Variants in FOLH1 observed in about 807,000 individuals in gnomAD.
FOLH1 encodes the protein glutamate carboxypeptidase 2.
Under a neutral mutation model 93.9 loss-of-function variants are expected in FOLH1, and 54 were observed. The ratio of observed to expected loss-of-function variants is 0.57; its 90% CI spans 0.46 to 0.72. FOLH1 has a LOEUF of 0.72. Ranked by LOEUF, FOLH1 falls within the 30% of genes least tolerant of loss-of-function variation. FOLH1 has a pLI of 0.00. For synonymous variants in FOLH1, 249 were observed against 303.6 expected, an observed-to-expected ratio of 0.82 and a Z score of 1.87; for missense variants, 571 against 892.5, an observed-to-expected ratio of 0.64 and a Z score of 4.59.
At chr11:49,201,432 A>C (rs1863245005) in intron 2 of FOLH1, among the ~76,000 whole-genome samples, 1 of 147,954 alleles carries the variant, frequency 6.8e-6, no homozygotes, top group Admixed American at 6.7e-5. Context: ...CATGTATTTT[A>C]ATTTTTTTTA....
intron 13 of FOLH1, among the ~76,000 whole-genome samples, chr11:49,162,622 C>T (rs1354232855): frequency 6.6e-6 from 1 of 152,080 alleles, no homozygotes; most frequent in Non-Finnish European, 1.5e-5. Flanking sequence ...AACCCGGTTC[C>T]GAAACCTTGC....
intron 10 of FOLH1, 30 bp downstream of exon 10, chr11:49,173,326 TG>T (rs1410422851): frequency 6.3e-7 from 1 of 1,594,910 alleles, no homozygotes; most frequent in South Asian, 1.1e-5. Flanking sequence ...TCAGATAGGC[TG>T]TTTTTTTTCT....
intron 18 of FOLH1, among the ~76,000 whole-genome samples, chr11:49,148,221 T>C (rs1190275888): frequency 2.0e-5 from 3 of 150,870 alleles, no homozygotes; most frequent in South Asian, 4.1e-4. Context: ...AATATATATT[T>C]ATTATATACA....
At chr11:49,167,214 T>A (rs1590503688) in intron 12 of FOLH1, among the ~76,000 whole-genome samples, 1 of 152,224 alleles carries the variant, frequency 6.6e-6, no homozygotes, top group Admixed American at 6.5e-5. Flanking sequence ...CAAAGTTAAC[T>A]TTTTTTGACA....
chr11:49,192,349 CA>C (rs1382992962), intron 4 of FOLH1, among the ~76,000 whole-genome samples: 1 of 151,974 alleles, frequency 6.6e-6, no homozygotes, highest in Non-Finnish European at 1.5e-5. Context: ...CTCTTTTCAA[CA>C]AAGGAAAACA....
intron 7 of FOLH1, among the ~76,000 whole-genome samples, chr11:49,179,434 CA>C (rs1205204717): frequency 6.6e-6 from 1 of 152,076 alleles, no homozygotes; most frequent in East Asian, 1.9e-4. Context: ...AGGAATTTAG[CA>C]ATCAATAACA....
chr11:49,208,496 G>T lies in FOLH1; in HGVS notation c.-87C>A. On this transcript the variant is annotated 5_prime_UTR_variant, in exon 1 of 19. Coordinates refer to ENST00000256999, the MANE Select transcript of FOLH1 (RefSeq NM_004476.3). ...CCTCCAACCACCACGGCGGGGTAAAGTCTCTCTCAATCTCACTAATGCCTC... is the reference window on the plus strand; with the variant it reads ...CCTCCAACCACCACGGCGGGGTAAATTCTCTCTCAATCTCACTAATGCCTC... The T allele has an allele frequency of 1.1e-6, 1 of 906,648 alleles. No homozygotes were observed. The highest frequency in any genetic ancestry group is 1.7e-6 in the Non-Finnish European group (1 of 593,692). 56.2% of individuals were successfully genotyped at this position (906,648 alleles called of 1,614,324 possible). A position where few individuals can be genotyped will look rare whatever the true frequency, so the allele number is the denominator to read the frequency against.
At chr11:49,193,018 G>T (rs1450615498) in intron 3 of FOLH1, 124 bp from the exon 4 acceptor site, 1 of 696,632 alleles carries the variant, frequency 1.4e-6, no homozygotes, top group Non-Finnish European at 2.2e-6. Flanking sequence ...TCAGGATTTT[G>T]ATGATAGTAT....
intron 5 of FOLH1, 91 bp downstream of exon 5, chr11:49,186,553 T>C (rs1404582430): frequency 2.1e-6 from 3 of 1,403,654 alleles, no homozygotes; most frequent in Non-Finnish European, 2.9e-6. Flanking sequence ...ATGGTATTCA[T>C]AAAGTTTTAA....
At chr11:49,200,158 A>C in intron 3 of FOLH1, 97 bp downstream of exon 3, 3 of 1,117,564 alleles carry the variant, frequency 2.7e-6, no homozygotes, top group South Asian at 3.9e-5. Context: ...GATTTCTATT[A>C]ATATTTAGAG....
chr11:49,160,257 AT>A (rs1038517615), intron 13 of FOLH1, among the ~76,000 whole-genome samples: 1 of 151,280 alleles, frequency 6.6e-6, no homozygotes, highest in South Asian at 2.1e-4. Context: ...TTTTTTATTA[AT>A]TTTTTTCAAA....
At chr11:49,191,696 T>C (rs1862063054) in intron 4 of FOLH1, among the ~76,000 whole-genome samples, 1 of 150,000 alleles carries the variant, frequency 6.7e-6, no homozygotes, top group African/African-American at 2.5e-5. Flanking sequence ...GTTTTTTCTT[T>C]TGTTTTGTTT....
chr11:49,200,729 A>G (rs1339896243), intron 2 of FOLH1, among the ~76,000 whole-genome samples: 8 of 152,106 alleles, frequency 5.3e-5, no homozygotes, highest in Non-Finnish European at 1.0e-4. Flanking sequence ...CTTTCTTAAG[A>G]CCTATACTTC....
At chr11:49,200,572 T>A in intron 2 of FOLH1, 131 bp from the exon 3 acceptor site, 1 of 916,790 alleles carries the variant, frequency 1.1e-6, no homozygotes, top group East Asian at 2.7e-5. Flanking sequence ...AGTGGTAGTA[T>A]TATTGCATGA....
chr11:49,187,789 C>T (rs1861584424), intron 4 of FOLH1, among the ~76,000 whole-genome samples: 1 of 152,220 alleles, frequency 6.6e-6, no homozygotes, highest in East Asian at 1.9e-4. Context: ...TCAAGGATTG[C>T]CTCAGCTGTA....
chr11:49,163,269 C>A (rs554306376), intron 13 of FOLH1, among the ~76,000 whole-genome samples: 1 of 152,102 alleles, frequency 6.6e-6, no homozygotes, highest in Non-Finnish European at 1.5e-5. Context: ...CCAGAGAACA[C>A]CAGTGGGGGT....
intron 1 of FOLH1, chr11:49,206,733 G>A (rs544723953): frequency 4.0e-5 from 61 of 1,524,704 alleles, no homozygotes; most frequent in Non-Finnish European, 4.8e-5. Flanking sequence ...TGAAGTAGGC[G>A]TGAGAAATCC....
chr11:49,206,397 A>AAGTT (rs1863961083), intron 1 of FOLH1: 1 of 798,324 alleles, frequency 1.3e-6, no homozygotes, highest in Non-Finnish European at 2.0e-6. Flanking sequence ...TTCTTATCCA[A>AAGTT]CTTCAATGAT....
At chr11:49,164,610 A>G in intron 13 of FOLH1, 95 bp downstream of exon 13, 1 of 802,188 alleles carries the variant, frequency 1.2e-6, no homozygotes. Context: ...AATGAAGACA[A>G]GAAGTTATAA....
Sources: allele counts gnomAD v4.1 joint callset (sites outside exome capture counted in the v4.1 genomes callset), GRCh38; gene constraint gnomAD v4.1.1; transcripts MANE v1.5; gene names NCBI Gene and HGNC (gene_info 2026-07-23, HGNC 2026-07-21).